Variants in RASSF8 observed in about 807,000 individuals in gnomAD.
The protein encoded by RASSF8 is Ras association domain family member 8, also known as ras association domain-containing protein 8.
Under a neutral mutation model 48.5 loss-of-function variants are expected in RASSF8, and 22 were observed. The ratio of observed to expected loss-of-function variants is 0.45; its 90% confidence interval spans 0.32 to 0.65. The LOEUF is 0.65. Ranked by LOEUF, RASSF8 falls within the 30% of genes least tolerant of loss-of-function variation. RASSF8 has a pLI of 0.03. For synonymous variants in RASSF8, 127 were observed against 171.5 expected, an observed-to-expected ratio of 0.74 and a Z score of 2.03; for missense variants, 418 against 489.2, an observed-to-expected ratio of 0.85 and a Z score of 1.37.
chr12:26,032,662 C>T (rs1943053739), intron 2 of RASSF8, among the ~76,000 whole-genome samples: 1 of 152,134 alleles, frequency 6.6e-6, no homozygotes, highest in African/African-American at 2.4e-5. Flanking sequence ...ACCTCCAAAT[C>T]TATTAAAAGT....
At chr12:26,040,399 G>A (rs762609151) in intron 2 of RASSF8, among the ~76,000 whole-genome samples, 7 of 152,208 alleles carry the variant, frequency 4.6e-5, no homozygotes, top group Non-Finnish European at 1.0e-4. Context: ...GGTTACTGGG[G>A]GGTAATAGTG....
chr12:26,014,553 T>G (rs1942602279), intron 2 of RASSF8, among the ~76,000 whole-genome samples: 1 of 152,218 alleles, frequency 6.6e-6, no homozygotes, highest in South Asian at 2.1e-4. Context: ...TAATAGCATG[T>G]AAAAGTCTCC....
chr12:25,976,690 C>T (rs1166217370), intron 1 of RASSF8, among the ~76,000 whole-genome samples: 2 of 152,150 alleles, frequency 1.3e-5, no homozygotes, highest in African/African-American at 2.4e-5. Context: ...TAAATCCCTG[C>T]CTTCGTTCTT....
intron 4 of RASSF8, 79 bp from the exon 5 acceptor site, chr12:26,067,490 C>T (rs1943901520): frequency 2.1e-6 from 3 of 1,396,058 alleles, no homozygotes; most frequent in Non-Finnish European, 2.9e-6. Flanking sequence ...ACCCCTGTAG[C>T]AGATGGATCC....
At chr12:26,049,462 C>A (rs1473059324) in intron 2 of RASSF8, among the ~76,000 whole-genome samples, 1 of 152,156 alleles carries the variant, frequency 6.6e-6, no homozygotes, top group African/African-American at 2.4e-5. Context: ...AAAAATTAAC[C>A]CAAATTGTTA....
chr12:25,984,854 T>C lies in RASSF8; in HGVS notation c.-202-10183T>C, dbSNP rs112175288. On this transcript the variant is annotated intron_variant, in intron 1 of 5. Coordinates refer to ENST00000689635, the MANE Select transcript of RASSF8 (RefSeq NM_001394098.1). Reference sequence around the variant, plus strand: ...TTTGCCTGTTCAACATTTAGTAAAATTAATTTTAAAAAGTCAAGGCAGGAT... The same window carrying C: ...TTTGCCTGTTCAACATTTAGTAAAACTAATTTTAAAAAGTCAAGGCAGGAT... Among the ~76,000 whole-genome samples, 14 of 152,298 alleles carry C rather than the reference T, an allele frequency of 9.2e-5. 1 individual carries two copies. The highest frequency in any genetic ancestry group is 3.1e-4 in the African/African-American group (13 of 41,550).
chr12:26,036,019 C>T (rs1019803464), intron 2 of RASSF8, among the ~76,000 whole-genome samples: 1 of 149,514 alleles, frequency 6.7e-6, no homozygotes, highest in Non-Finnish European at 1.5e-5. Context: ...GCATAAGGGC[C>T]CAAACTCAGT....
intron 2 of RASSF8, among the ~76,000 whole-genome samples, chr12:26,011,504 A>C (rs1376614233): frequency 6.6e-6 from 1 of 152,160 alleles, no homozygotes; most frequent in Non-Finnish European, 1.5e-5. Flanking sequence ...ATAACTTGAC[A>C]TAATTAATTA....
chr12:26,065,314 A>G lies in RASSF8; in HGVS notation c.920A>G (p.Gln307Arg). The change falls in exon 4 of 6, where the codon CAG (glutamine) becomes CGG (arginine). Residue 307 changes from glutamine (Q) to arginine (R), a missense_variant. By Grantham distance (43) the Gln-to-Arg change is conservative (BLOSUM62 1). Coordinates refer to ENST00000689635, the MANE Select transcript of RASSF8 (RefSeq NM_001394098.1). Reference sequence around the variant, plus strand: ...AAAGGGGAGATTGACATTCAAGGCCAGCAGAGTCTGAGGTTGGAAAATGGC... The same window carrying G: ...AAAGGGGAGATTGACATTCAAGGCCGGCAGAGTCTGAGGTTGGAAAATGGC... ...KVKGEIDIQG[Q>R]QSLRLENGIK... 6.2e-7 allele frequency: 1 copy of G among 1,614,196 alleles called. No individual in the cohort carries two copies. The highest frequency in any genetic ancestry group is 1.1e-5 in the South Asian group (1 of 91,088).
Position 26,070,202 on chromosome 12 carries a change from A to G in RASSF8, c.*1384A>G. 9 of 966,376 alleles carry G rather than the reference A, an allele frequency of 9.3e-6. No homozygotes were observed. The highest frequency in any genetic ancestry group is 1.1e-5 in the Non-Finnish European group (9 of 812,630). The allele number at this position is 966,376 out of a possible 1,614,324, so 59.9% of individuals were successfully genotyped here. A position where few individuals can be genotyped will look rare whatever the true frequency, so the allele number is the denominator to read the frequency against. On this transcript the variant is annotated 3_prime_UTR_variant, in exon 6 of 6. Transcript: ENST00000689635. ...ATCCTCTGTATTATTTACATGCAAC[A>G]AAATAAAAGTGGATTAATATAGTAA...
Position 26,054,393 on chromosome 12 carries a change from A to G in RASSF8, c.-108-843A>G, listed in dbSNP as rs940099397. Among the ~76,000 whole-genome samples, 4 of 152,376 alleles carry G rather than the reference A, an allele frequency of 2.6e-5. No homozygotes were observed. In the East Asian group the frequency reaches 7.7e-4, roughly 29 times the overall value. On this transcript the variant is annotated intron_variant, in intron 2 of 5. Coordinates refer to ENST00000689635, the MANE Select transcript of RASSF8 (RefSeq NM_001394098.1). ...CCAAATACAAAATCAAACACTGGGT[A>G]AACACAGCAAGTAGAACAAACGGTT...
intron 2 of RASSF8, among the ~76,000 whole-genome samples, chr12:26,045,256 A>T (rs1192362719): frequency 1.3e-5 from 2 of 152,168 alleles, no homozygotes; most frequent in Admixed American, 1.3e-4. Flanking sequence ...TTTGGCTTCC[A>T]TATCCTTAAA....
At chr12:26,058,532 G>A (rs1472463024) in intron 3 of RASSF8, among the ~76,000 whole-genome samples, 3 of 61,264 alleles carry the variant, frequency 4.9e-5, no homozygotes, top group East Asian at 6.6e-4. Context: ...ATGCGCACGC[G>A]CGCGCGCACA....
chr12:26,054,307 T>C (rs1943555015), intron 2 of RASSF8, among the ~76,000 whole-genome samples: 1 of 152,112 alleles, frequency 6.6e-6, no homozygotes, highest in South Asian at 2.1e-4. Context: ...ATACAGGAAA[T>C]AAAGAATATT....
intron 2 of RASSF8, among the ~76,000 whole-genome samples, chr12:26,025,523 C>T (rs1942889682): frequency 6.8e-6 from 1 of 147,166 alleles, no homozygotes; most frequent in African/African-American, 2.5e-5. Context: ...GATCGCACCG[C>T]TGCACTCTAG....
At chr12:26,059,555 A>AGT (rs1336961867) in intron 3 of RASSF8, among the ~76,000 whole-genome samples, 4 of 152,136 alleles carry the variant, frequency 2.6e-5, no homozygotes, top group Non-Finnish European at 2.9e-5. Flanking sequence ...AGCTTTTAAA[A>AGT]AATTATACTC....
At chr12:26,035,480 T>TATATGAAATTATATAATTATATA (rs1943122115) in intron 2 of RASSF8, among the ~76,000 whole-genome samples, 2 of 117,042 alleles carry the variant, frequency 1.7e-5, no homozygotes, top group Non-Finnish European at 3.8e-5. Flanking sequence ...ATTATATAAT[T>TATATGAAATTATATAATTATATA]ATATAATTAT....
chr12:26,060,381 TA>T (rs1413279015), intron 3 of RASSF8, among the ~76,000 whole-genome samples: 4 of 152,164 alleles, frequency 2.6e-5, no homozygotes, highest in African/African-American at 9.7e-5. Context: ...TATTCTAAGA[TA>T]TACTGTGGGG....
At chr12:25,959,646 G>T (rs904472985) in intron 1 of RASSF8, 5 of 152,204 alleles carry the variant, frequency 3.3e-5, no homozygotes, top group African/African-American at 1.2e-4. Flanking sequence ...CAGTCCCTTT[G>T]GGGAGGGGAG....
Sources: gnomAD v4.1 joint callset for allele counts (sites outside exome capture counted in the v4.1 genomes callset) on GRCh38, gnomAD v4.1.1 for gene constraint, MANE v1.5 for transcripts, NCBI Gene and HGNC (gene_info 2026-07-23, HGNC 2026-07-21) for gene names.